The following NXPH1 variants were observed in gnomAD, a reference collection of about 807,000 sequenced individuals.
NXPH1 encodes the protein neurexophilin 1, also known as neurexophilin-1.
Under a neutral mutation model 23.7 loss-of-function variants are expected in NXPH1, and 5 were observed. That is an observed-to-expected ratio of 0.21 (90% CI 0.11 to 0.44). The LOEUF (loss-of-function observed/expected upper bound fraction) is 0.44. Among genes scored for constraint, NXPH1 ranks in the 20% least tolerant of loss-of-function variants. The pLI is 0.99. For synonymous variants in NXPH1, 144 were observed against 122.2 expected, an observed-to-expected ratio of 1.18 and a Z score of -1.18; for missense variants, 324 against 321.6, an observed-to-expected ratio of 1.01 and a Z score of -0.06.
intron 2 of NXPH1, among the ~76,000 whole-genome samples, chr7:8,709,859 G>T (rs918601087): frequency 6.6e-6 from 1 of 152,132 alleles, no homozygotes; most frequent in African/African-American, 2.4e-5. Flanking sequence ...CTGAGCTAAT[G>T]TTAGGCTATA....
intron 2 of NXPH1, among the ~76,000 whole-genome samples, chr7:8,453,733 C>T (rs1816545147): frequency 6.6e-6 from 1 of 152,054 alleles, no homozygotes; most frequent in Non-Finnish European, 1.5e-5. Context: ...CTACCCATGT[C>T]CCTGCAAAGG....
chr7:8,518,289 T>C (rs976572333), intron 2 of NXPH1, among the ~76,000 whole-genome samples: 16 of 152,290 alleles, frequency 1.1e-4, no homozygotes, highest in African/African-American at 3.6e-4. Context: ...GGGTATGTAA[T>C]ATTTGTTGAA....
chr7:8,503,909 C>G (rs1366391942), intron 2 of NXPH1, among the ~76,000 whole-genome samples: 1 of 152,018 alleles, frequency 6.6e-6, no homozygotes, highest in African/African-American at 2.4e-5. Context: ...CTATTAAAGA[C>G]TATTCCCTCA....
intron 2 of NXPH1, among the ~76,000 whole-genome samples, chr7:8,525,768 G>A (rs983025351): frequency 1.5e-4 from 23 of 152,248 alleles, no homozygotes; most frequent in African/African-American, 5.1e-4. Flanking sequence ...TGGGTGCACA[G>A]AAGTCAAGAA....
At chr7:8,514,585 T>G (rs1817660829) in intron 2 of NXPH1, among the ~76,000 whole-genome samples, 2 of 152,142 alleles carry the variant, frequency 1.3e-5, no homozygotes, top group African/African-American at 4.8e-5. Flanking sequence ...GTGCTGTGTG[T>G]GTCATGATTG....
chr7:8,462,122 C>G (rs1816706288), intron 2 of NXPH1, among the ~76,000 whole-genome samples: 1 of 152,078 alleles, frequency 6.6e-6, no homozygotes, highest in Admixed American at 6.5e-5. Flanking sequence ...GATCTCGGCT[C>G]ACAGCAACCC....
chr7:8,751,782 G>C lies in NXPH1; in HGVS notation c.*13G>C, dbSNP rs932773129. On this transcript the variant is annotated 3_prime_UTR_variant, in exon 3 of 3. Transcript: ENST00000405863. This position sits in a 1 kb window ranked among gnomAD's most constrained non-coding sequence, Gnocchi z 4.5. ...TCCCTCGGGATGAAGGTGAACATGG[G>C]GGTGAGACTGAAGCCTGAGGAATTA... 2 of 1,597,124 alleles carry C rather than the reference G, an allele frequency of 1.3e-6. No homozygotes were observed. The highest frequency in any genetic ancestry group is 2.7e-5 in the African/African-American group (2 of 74,600).
chr7:8,512,805 G>A (rs1223898253), intron 2 of NXPH1, among the ~76,000 whole-genome samples: 1 of 152,064 alleles, frequency 6.6e-6, no homozygotes, highest in Non-Finnish European at 1.5e-5. Context: ...TGTAGAAAAG[G>A]AGCGTTTCCA....
chr7:8,486,449 T>C (rs1382248591), intron 2 of NXPH1, among the ~76,000 whole-genome samples: 3 of 152,174 alleles, frequency 2.0e-5, no homozygotes, highest in Admixed American at 6.6e-5. Flanking sequence ...GTAAGAATCA[T>C]TTGGAAAGGA....
intron 2 of NXPH1, among the ~76,000 whole-genome samples, chr7:8,601,921 A>C (rs934437863): frequency 6.6e-6 from 1 of 152,244 alleles, no homozygotes; most frequent in Non-Finnish European, 1.5e-5. Flanking sequence ...CAGACCGAAG[A>C]CCAATGGCCA....
chr7:8,499,222 C>A (rs773870400), intron 2 of NXPH1, among the ~76,000 whole-genome samples: 8 of 151,994 alleles, frequency 5.3e-5, no homozygotes, highest in Non-Finnish European at 7.4e-5. Context: ...CTTCTATCAC[C>A]ACTACAAAAA....
At chr7:8,584,844 T>G (rs1217135214) in intron 2 of NXPH1, among the ~76,000 whole-genome samples, 1 of 152,240 alleles carries the variant, frequency 6.6e-6, no homozygotes, top group Non-Finnish European at 1.5e-5. Flanking sequence ...TTTCACATTA[T>G]TCACAATCTT....
At chr7:8,572,204 C>G (rs1818662479) in intron 2 of NXPH1, among the ~76,000 whole-genome samples, 1 of 151,848 alleles carries the variant, frequency 6.6e-6, no homozygotes, top group South Asian at 2.1e-4. Context: ...TATATTTTAT[C>G]TGGATACTTC....
intron 2 of NXPH1, among the ~76,000 whole-genome samples, chr7:8,699,502 C>G (rs1206203147): frequency 6.6e-6 from 1 of 152,018 alleles, no homozygotes; most frequent in Non-Finnish European, 1.5e-5. Flanking sequence ...GGCAGTAATT[C>G]TCATAAAAAA....
At chr7:8,583,192 T>C (rs1194027421) in intron 2 of NXPH1, among the ~76,000 whole-genome samples, 1 of 152,224 alleles carries the variant, frequency 6.6e-6, no homozygotes. Flanking sequence ...TTCTAAATTG[T>C]CTGCCAATCT....
At chr7:8,685,978 C>T (rs1459877654) in intron 2 of NXPH1, among the ~76,000 whole-genome samples, 2 of 152,086 alleles carry the variant, frequency 1.3e-5, no homozygotes, top group Admixed American at 1.3e-4. Flanking sequence ...TCCAATTCTC[C>T]ATGATGTGTT....
chr7:8,456,782 T>A (rs998729177), intron 2 of NXPH1, among the ~76,000 whole-genome samples: 1 of 152,224 alleles, frequency 6.6e-6, no homozygotes, highest in Non-Finnish European at 1.5e-5. Context: ...CCTTACAGTT[T>A]AAGGCATGTT....
At chr7:8,704,461 G>C (rs1262672261) in intron 2 of NXPH1, among the ~76,000 whole-genome samples, 1 of 152,048 alleles carries the variant, frequency 6.6e-6, no homozygotes, top group Non-Finnish European at 1.5e-5. Flanking sequence ...TTGACAAATA[G>C]AATGCCCCAG....
intron 2 of NXPH1, among the ~76,000 whole-genome samples, chr7:8,645,875 A>T (rs930428335): frequency 1.3e-5 from 2 of 152,060 alleles, no homozygotes; most frequent in African/African-American, 4.8e-5. Context: ...ACATATATTT[A>T]TAGGTCCAAT....
Sources: allele counts gnomAD v4.1 joint callset (sites outside exome capture counted in the v4.1 genomes callset), GRCh38; gene constraint gnomAD v4.1.1; non-coding constraint Gnocchi (gnomAD v3.1); transcripts MANE v1.5; gene names NCBI Gene and HGNC (gene_info 2026-07-23, HGNC 2026-07-21).